AKAP17A: variants seen among roughly 807,000 people sequenced by gnomAD.
AKAP17A encodes the protein A-kinase anchor protein 17A.
AKAP17A carries 15 observed loss-of-function variants against 52.2 expected under a neutral mutation model. The ratio of observed to expected loss-of-function variants is 0.29; its 90% confidence interval spans 0.19 to 0.44. AKAP17A has a LOEUF of 0.44. Ranked by LOEUF, AKAP17A falls within the 20% of genes least tolerant of loss-of-function variation. The pLI is 1.00. For missense variants in AKAP17A, 1,060 were observed against 1,007.0 expected (o/e 1.05, Z -0.71); for synonymous variants, 514 against 424.7 (o/e 1.21, Z -2.58).
In AKAP17A at chrX:1,593,954, G is replaced by C; in HGVS notation, c.492G>C (p.Ser164=). Reference sequence around the variant, plus strand: ...GCAAGTGGTTCGCCCTGAAGGAGTCGGGCTCCGAGAAGCCCAGCGAGGACG... The same window carrying C: ...GCAAGTGGTTCGCCCTGAAGGAGTCCGGCTCCGAGAAGCCCAGCGAGGACG... ...LPCKWFALKE[S]GSEKPSEDVL... is the part of the protein sequence containing the mutation. The change falls in exon 2 of 5, where the codon TCG becomes TCC. Residue 164 remains serine, a synonymous_variant. Coordinates refer to ENST00000313871, the MANE Select transcript of AKAP17A (RefSeq NM_005088.3). 1 of 1,605,340 alleles carries C rather than the reference G, an allele frequency of 6.2e-7. No individual in the cohort carries two copies. The highest frequency in any genetic ancestry group is 8.5e-7 in the Non-Finnish European group (1 of 1,174,860).
In AKAP17A at chrX:1,601,152, GCATTCCTGA is replaced by G. The variant is rs1462506736; in HGVS notation, c.1649_1657del (p.Ile550_Asp552del). The G allele has an allele frequency of 6.2e-7, 1 of 1,613,844 alleles. No individual in the cohort carries two copies. The highest frequency in any genetic ancestry group is 8.5e-7 in the Non-Finnish European group (1 of 1,179,730). Reference sequence around the variant, plus strand: ...AGGTGCCCGGGCGGCGTCCTCTCCTGCATTCCTGACAACAACCAACAGCCCAAGGGCATC... The same window carrying G: ...AGGTGCCCGGGCGGCGTCCTCTCCTGCAACAACCAACAGCCCAAGGGCATC... On this transcript the variant is annotated inframe_deletion, in exon 5 of 5. Transcript: ENST00000313871.
intron 3 of AKAP17A, among the ~76,000 whole-genome samples, chrX:1,596,465 C>T (rs1932987095): frequency 1.1e-5 from 1 of 88,994 alleles, no homozygotes; most frequent in Admixed American, 1.1e-4. Context: ...TCCCACCCTC[C>T]TAGTGAGGTG....
At position 1,601,315 on chromosome X, in the gene AKAP17A, G is replaced by T; in HGVS notation, c.1809G>T (p.Arg603Ser). 1 of 1,605,936 alleles carries T rather than the reference G, an allele frequency of 6.2e-7. No individual in the cohort carries two copies. Among genetic ancestry groups the T allele is most frequent in the Non-Finnish European group, 8.5e-7 (1 of 1,177,508 alleles). ...TTGCTGACCGGCACAAGCGGGAGAGGAGCCGGGCCAGGCGGGCCAGCAGCA... is the reference window on the plus strand; with the variant it reads ...TTGCTGACCGGCACAAGCGGGAGAGTAGCCGGGCCAGGCGGGCCAGCAGCA... ...DGLADRHKRE[R>S]SRARRASSRE... Residue 603 changes from arginine (R) to serine (S), a missense_variant, in exon 5 of 5, where the codon AGG (arginine) becomes AGT (serine). By Grantham distance (110) the Arg-to-Ser change is moderately radical. Coordinates refer to ENST00000313871, the MANE Select transcript of AKAP17A (RefSeq NM_005088.3).
Position 1,601,384 on chromosome X carries a change from G to C in AKAP17A, c.1878G>C (p.Lys626Asn), listed in dbSNP as rs1334737224. The C allele has an allele frequency of 1.9e-6, 3 of 1,571,416 alleles. No individual in the cohort carries two copies. The highest frequency in any genetic ancestry group is 2.6e-6 in the Non-Finnish European group (3 of 1,164,998). ...RPRKERRPHK[K>N]HAYKDDSPRR... ...GCAAGGAGCGGCGGCCCCACAAGAAGCACGCCTACAAGGATGACAGCCCCC... is the reference window on the plus strand; with the variant it reads ...GCAAGGAGCGGCGGCCCCACAAGAACCACGCCTACAAGGATGACAGCCCCC... The change falls in exon 5 of 5, where the codon AAG (lysine) becomes AAC (asparagine). Residue 626 changes from lysine to asparagine, a missense_variant. Lys to Asn is a moderately conservative substitution (Grantham distance 94). Around this residue, in one of 2 missense-constraint regions of AKAP17A, gnomAD observed 793 missense variants for 629.9 expected, o/e 1.26. Transcript: ENST00000313871.
At chrX:1,598,365 C>T (rs1332526857) in intron 3 of AKAP17A, among the ~76,000 whole-genome samples, 8 of 152,148 alleles carry the variant, frequency 5.3e-5, no homozygotes, top group African/African-American at 1.7e-4. Flanking sequence ...TCCTTGTCCC[C>T]GTGTCTCCTC....
chrX:1,593,181 G>A (rs1368526807), intron 1 of AKAP17A, among the ~76,000 whole-genome samples: 6 of 152,142 alleles, frequency 3.9e-5, no homozygotes, highest in Non-Finnish European at 7.3e-5. Context: ...GTAGGGTGTC[G>A]GGCAGTGCTG....
intron 4 of AKAP17A, chrX:1,599,777 C>G (rs1445270616): frequency 8.3e-6 from 5 of 605,898 alleles, no homozygotes; most frequent in East Asian, 2.7e-5. Context: ...TGGCCCGCGC[C>G]TCTGTGTGTG....
In AKAP17A at chrX:1,595,235, CTGCACCGGACATGAGTGGTGAGCGGTG is replaced by C; in HGVS notation, c.763-148_763-122del. 33 of 183,692 alleles carry C rather than the reference CTGCACCGGACATGAGTGGTGAGCGGTG, an allele frequency of 1.8e-4. 10 individuals are homozygous for C. Among genetic ancestry groups the C allele is most frequent in the East Asian group, 6.4e-4 (3 of 4,714 alleles). The allele number at this position is 183,692 out of a possible 1,614,324, so 11.4% of individuals were successfully genotyped here. A position where few individuals can be genotyped will look rare whatever the true frequency, so the allele number is the denominator to read the frequency against. On this transcript the variant is annotated intron_variant, in intron 2 of 4. Coordinates refer to ENST00000313871, the MANE Select transcript of AKAP17A (RefSeq NM_005088.3). ...GGCTTCTGGGCTCCACTGTCTGGGT[CTGCACCGGACATGAGTGGTGAGCGGTG>C]AGCGGTGAGCGGGCGCTCAGGCTCT... is the stretch of plus-strand genomic sequence containing the variant.
chrX:1,592,634 A>C (rs1352094267), intron 1 of AKAP17A, among the ~76,000 whole-genome samples: 1 of 152,044 alleles, frequency 6.6e-6, no homozygotes, highest in Non-Finnish European at 1.5e-5. Context: ...TGGGCCTGGC[A>C]GGAAGCCTCC....
rs369460597 is a variant in AKAP17A at position 1,601,396 on chromosome X, G to T, written c.1890G>T (p.Lys630Asn). The T allele has an allele frequency of 2.3e-4, 355 of 1,566,588 alleles. 1 individual carries two copies. Among genetic ancestry groups the T allele is most frequent in the South Asian group, 5.0e-4 (44 of 87,760 alleles). ...GGCCCCACAAGAAGCACGCCTACAAGGATGACAGCCCCCGCCGGCGCAGCA... is the reference window on the plus strand; with the variant it reads ...GGCCCCACAAGAAGCACGCCTACAATGATGACAGCCCCCGCCGGCGCAGCA... ...ERRPHKKHAY[K>N]DDSPRRRSTS... is the part of the protein sequence containing the mutation. The change falls in exon 5 of 5, where the codon AAG (lysine) becomes AAT (asparagine). Residue 630 changes from lysine to asparagine, a missense_variant. By Grantham distance (94) the Lys-to-Asn change is moderately conservative. Around this residue, in one of 2 missense-constraint regions of AKAP17A, gnomAD observed 793 missense variants for 629.9 expected, o/e 1.26. Transcript: ENST00000313871.
rs182631839 is a variant in AKAP17A at position 1,600,763 on chromosome X, G to C, written c.1257G>C (p.Glu419Asp). Residue 419 changes from glutamate to aspartate, a missense_variant, in exon 5 of 5, where the codon GAG becomes GAC. By Grantham distance (45) the Glu-to-Asp change is conservative. This residue lies in a region of AKAP17A where 793 missense variants were observed against 629.9 expected (regional missense o/e 1.26). Transcript: ENST00000313871. ...LQEAELRRVE[E>D]EKERALGLQR... Reference sequence around the variant, plus strand: ...AGGCCGAGCTGCGGCGCGTGGAGGAGGAGAAGGAGCGCGCGCTGGGCCTGC... The same window carrying C: ...AGGCCGAGCTGCGGCGCGTGGAGGACGAGAAGGAGCGCGCGCTGGGCCTGC... 6.4e-7 allele frequency: 1 copy of C among 1,566,082 alleles called. No individual in the cohort carries two copies. Among genetic ancestry groups the C allele is most frequent in the Non-Finnish European group, 8.6e-7 (1 of 1,160,460 alleles).
intron 3 of AKAP17A, 125 bp from the exon 4 acceptor site, chrX:1,599,067 T>C (rs1933193927): frequency 3.5e-6 from 5 of 1,446,104 alleles, no homozygotes; most frequent in South Asian, 1.4e-5. Flanking sequence ...CACCTTGGGA[T>C]AAAGAGTTAA....
At chrX:1,594,488 C>T (rs1171378810) in intron 2 of AKAP17A, among the ~76,000 whole-genome samples, 1 of 152,108 alleles carries the variant, frequency 6.6e-6, no homozygotes, top group Non-Finnish European at 1.5e-5. Flanking sequence ...AGGGATGGAG[C>T]CTCAGGAACT....
At position 1,591,616 on chromosome X, in the gene AKAP17A, G is replaced by GGGCGGCGAC. The variant is rs1261467077; in HGVS notation, c.-167_-159dup. ...GAAGTGGAAATGCGTCATAGAGGGC[G>GGGCGGCGAC]GGCGGCGACGGCGGTGGCGGCGTCG... On this transcript the variant is annotated 5_prime_UTR_variant, in exon 1 of 5. Coordinates refer to ENST00000313871, the MANE Select transcript of AKAP17A (RefSeq NM_005088.3). 2.0e-5 allele frequency: 3 copies of GGGCGGCGAC among 152,212 alleles called. No homozygotes were observed. Among genetic ancestry groups the GGGCGGCGAC allele is most frequent in the South Asian group, 2.0e-4 (1 of 4,962 alleles). 9.4% of individuals were successfully genotyped at this position (152,212 alleles called of 1,614,324 possible).
Position 1,593,660 on chromosome X carries a change from G to A in AKAP17A, c.198G>A (p.Thr66=), listed in dbSNP as rs145575351. 127 of 1,613,964 alleles carry A rather than the reference G, an allele frequency of 7.9e-5. No homozygotes were observed. In the African/African-American group the frequency reaches 1.5e-3, roughly 19 times the overall value. Residue 66 remains threonine (T), a synonymous_variant, in exon 2 of 5, where the codon ACG becomes ACA. Coordinates refer to ENST00000313871, the MANE Select transcript of AKAP17A (RefSeq NM_005088.3). ...KGMVQNHQFS[T]LRISKSTMDF... The stretch of plus-strand genomic sequence containing the variant: ...TGGTGCAGAACCACCAGTTCTCCAC[G>A]CTGCGTATTTCCAAGAGCACCATGG...
At chrX:1,597,994 G>T (rs1297962631) in intron 3 of AKAP17A, among the ~76,000 whole-genome samples, 1 of 152,162 alleles carries the variant, frequency 6.6e-6, no homozygotes, top group Non-Finnish European at 1.5e-5. Flanking sequence ...ATGAGGGGAG[G>T]CCCAGGGCAG....
chrX:1,599,849 G>A, intron 4 of AKAP17A: 1 of 594,486 alleles, frequency 1.7e-6, no homozygotes, highest in Non-Finnish European at 3.0e-6. Context: ...GTGGGCTGGG[G>A]GGAGGGCTGA....
At chrX:1,596,553 A>C (rs865825979) in intron 3 of AKAP17A, among the ~76,000 whole-genome samples, 6 of 68,348 alleles carry the variant, frequency 8.8e-5, no homozygotes, top group Non-Finnish European at 1.1e-4. Context: ...CATCCCTCCC[A>C]CCCTCCTAGT....
rs1418352996 is a variant in AKAP17A, at chrX:1,593,942, C to G, written c.480C>G (p.Ala160=). The G allele has an allele frequency of 6.2e-7, 1 of 1,608,124 alleles. No individual in the cohort carries two copies. Among genetic ancestry groups the G allele is most frequent in the Admixed American group, 1.7e-5 (1 of 59,490 alleles). ...AGGGGCTGCCCTGCAAGTGGTTCGC[C>G]CTGAAGGAGTCGGGCTCCGAGAAGC... ...HLEGLPCKWF[A]LKESGSEKPS... The change falls in exon 2 of 5, where the codon GCC becomes GCG. Residue 160 remains alanine, a synonymous_variant. Coordinates refer to ENST00000313871, the MANE Select transcript of AKAP17A (RefSeq NM_005088.3).
Sources: allele counts gnomAD v4.1 joint callset (sites outside exome capture counted in the v4.1 genomes callset), GRCh38; gene constraint gnomAD v4.1.1; regional missense constraint gnomAD v4.1.1; transcripts MANE v1.5; gene names NCBI Gene and HGNC (gene_info 2026-07-23, HGNC 2026-07-21).